Variants in FAM184A observed in about 807,000 individuals in gnomAD.
The protein encoded by FAM184A is family with sequence similarity 184 member A, also known as protein FAM184A.
A neutral mutation model predicts 143.8 loss-of-function variants in FAM184A; 99 were observed. That is an observed-to-expected ratio of 0.69 (90% CI 0.58 to 0.81). The LOEUF (loss-of-function observed/expected upper bound fraction) is 0.81, where lower values mean the gene tolerates loss of function less well. FAM184A is among the 40% of genes least tolerant of loss of function. The probability of loss-of-function intolerance (pLI) is 0.00; values close to 1 mark genes in which losing one functional copy is unlikely to be tolerated. For missense variants in FAM184A, 1,217 were observed against 1,310.5 expected (o/e 0.93, Z 1.10); for synonymous variants, 427 against 446.4 (o/e 0.96, Z 0.55).
At chr6:118,969,359 T>C (rs571489916) in intron 14 of FAM184A, among the ~76,000 whole-genome samples, 1 of 152,162 alleles carries the variant, frequency 6.6e-6, no homozygotes, top group Non-Finnish European at 1.5e-5. Context: ...ACCTGGATAT[T>C]AAATAGGAAA....
chr6:118,991,007 C>A lies in FAM184A; in HGVS notation c.2089-10657G>T, dbSNP rs1784360835. ...CAACTTATTCAACTATGTATCTCAC[C>A]CTGTATAAATTTTATACATTTATTT... is the stretch of plus-strand genomic sequence containing the variant. On this transcript the variant is annotated intron_variant, in intron 9 of 17. Transcript: ENST00000338891. Among the ~76,000 whole-genome samples the A allele has an allele frequency of 2.0e-5, 3 of 150,034 alleles. No individual in the cohort carries two copies. In the South Asian group the frequency reaches 6.3e-4, roughly 32 times the overall value.
chr6:119,108,681 G>A (rs56084675), intron 1 of FAM184A, among the ~76,000 whole-genome samples: 13,980 of 152,188 alleles, frequency 0.092, 856 homozygotes, highest in East Asian at 0.23. Context: ...CTCTTTGGAA[G>A]GAGTCACCCA....
At chr6:119,031,967 T>C (rs560954194) in intron 1 of FAM184A, among the ~76,000 whole-genome samples, 16 of 152,234 alleles carry the variant, frequency 1.1e-4, no homozygotes, top group Non-Finnish European at 1.3e-4. Context: ...TATATAGATA[T>C]AGATATGTAA....
chr6:119,066,168 T>C (rs1787446894), intron 1 of FAM184A, among the ~76,000 whole-genome samples: 1 of 152,188 alleles, frequency 6.6e-6, no homozygotes. Flanking sequence ...TAGAGAGCCA[T>C]GTTGTGGTAA....
Position 119,032,976 on chromosome 6 carries a change from C to T in FAM184A, c.160-8163G>A, listed in dbSNP as rs571056605. 8.5e-5 allele frequency among the ~76,000 whole-genome samples: 13 copies of T among 152,258 alleles called. No individual in the cohort carries two copies. In the South Asian group the frequency reaches 1.0e-3, roughly 12 times the overall value. On this transcript the variant is annotated intron_variant, in intron 1 of 17. Transcript: ENST00000338891. The stretch of plus-strand genomic sequence containing the variant: ...TTCCTTCTGCCAGAGGCTATTCTAT[C>T]GGTTCCAGAGCAGGAACATACACTA...
intron 1 of FAM184A, among the ~76,000 whole-genome samples, chr6:119,118,730 C>A (rs1040392196): frequency 5.9e-5 from 9 of 152,184 alleles, no homozygotes; most frequent in Middle Eastern, 6.8e-3. Flanking sequence ...TATGTCATCT[C>A]AGGACCCTGT....
intron 9 of FAM184A, among the ~76,000 whole-genome samples, chr6:118,981,211 A>G (rs1784011119): frequency 6.6e-6 from 1 of 152,220 alleles, no homozygotes; most frequent in South Asian, 2.1e-4. Flanking sequence ...AGGTATATGT[A>G]TGTATTATAT....
intron 1 of FAM184A, among the ~76,000 whole-genome samples, chr6:119,143,299 T>G (rs998207126): frequency 2.0e-5 from 3 of 152,188 alleles, no homozygotes; most frequent in Non-Finnish European, 4.4e-5. Flanking sequence ...AATCCAGGGT[T>G]GTGACTTCAA....
chr6:119,021,291 C>T (rs958034465), intron 3 of FAM184A, among the ~76,000 whole-genome samples: 1 of 152,174 alleles, frequency 6.6e-6, no homozygotes, highest in African/African-American at 2.4e-5. Flanking sequence ...GCTCAAACAG[C>T]CTTCCTGGGC....
intron 1 of FAM184A, among the ~76,000 whole-genome samples, chr6:119,110,238 T>G (rs1329153484): frequency 2.6e-5 from 4 of 152,180 alleles, no homozygotes; most frequent in Non-Finnish European, 4.4e-5. Context: ...GTGCGTTTAT[T>G]TTCCTGGTGG....
chr6:119,063,145 TATTC>T (rs1037525332), intron 1 of FAM184A, among the ~76,000 whole-genome samples: 3 of 152,254 alleles, frequency 2.0e-5, no homozygotes, highest in Admixed American at 6.5e-5. Flanking sequence ...TTATTCATGC[TATTC>T]ATTATTTTTC....
At chr6:119,035,773 A>C (rs955085371) in intron 1 of FAM184A, among the ~76,000 whole-genome samples, 4 of 152,054 alleles carry the variant, frequency 2.6e-5, no homozygotes, top group Admixed American at 2.6e-4. Flanking sequence ...TTTTGAATCC[A>C]CCTATGACCA....
rs908685697 is a variant in FAM184A, at chr6:118,992,239, G to A, written c.2088+10660C>T. Among the ~76,000 whole-genome samples the A allele has an allele frequency of 3.9e-5, 6 of 152,254 alleles. No individual in the cohort carries two copies. The East Asian group carries it at 7.8e-4, about 20-fold the overall frequency. ...ATGAAAGCAAATAGAGCTAGAATAT[G>A]TTTTGGAGGTGGAATAAATAGGATT... On this transcript the variant is annotated intron_variant, in intron 9 of 17. Coordinates refer to ENST00000338891, the MANE Select transcript of FAM184A (RefSeq NM_024581.6).
chr6:119,072,155 C>A (rs1446997521), intron 1 of FAM184A, among the ~76,000 whole-genome samples: 3 of 152,164 alleles, frequency 2.0e-5, no homozygotes, highest in Non-Finnish European at 2.9e-5. Flanking sequence ...AGCCAGGGCA[C>A]CCAACCTAAA....
chr6:119,020,152 A>G lies in FAM184A; in HGVS notation c.1158T>C (p.Ile386=), dbSNP rs199843988. 1.9e-6 allele frequency: 3 copies of G among 1,558,452 alleles called. No individual in the cohort carries two copies. The highest frequency in any genetic ancestry group is 1.7e-6 in the Non-Finnish European group (2 of 1,158,524). The change falls in exon 4 of 18, where the codon ATT becomes ATC. Residue 386 remains isoleucine (I), a synonymous_variant. Coordinates refer to ENST00000338891, the MANE Select transcript of FAM184A (RefSeq NM_024581.6). ...ASDLVLKASH[I]GMLQATQMTQ... is the part of the protein sequence containing the mutation. Reference sequence around the variant, plus strand: ...TCATTTGAGTTGCTTGAAGCATTCCAATATGACCTATCCCCCAAAAAGAAA... The same window carrying G: ...TCATTTGAGTTGCTTGAAGCATTCCGATATGACCTATCCCCCAAAAAGAAA...
At chr6:118,975,607 G>A (rs73523320) in intron 12 of FAM184A, among the ~76,000 whole-genome samples, 3,626 of 152,280 alleles carry the variant, frequency 0.024, 172 homozygotes, top group African/African-American at 0.083. Context: ...AAGAGAAAGT[G>A]CATCTAAGGA....
intron 1 of FAM184A, among the ~76,000 whole-genome samples, chr6:119,065,710 A>T (rs1787426415): frequency 6.6e-6 from 1 of 152,140 alleles, no homozygotes; most frequent in East Asian, 1.9e-4. Flanking sequence ...AATGTTTCTC[A>T]AATCTCCTCC....
chr6:118,967,163 C>G (rs914118530), intron 14 of FAM184A, among the ~76,000 whole-genome samples: 1 of 152,162 alleles, frequency 6.6e-6, no homozygotes, highest in Admixed American at 6.5e-5. Context: ...CTATGAAAGG[C>G]TTTGCAGGTT....
chr6:118,977,866 A>G (rs572192675), intron 11 of FAM184A, among the ~76,000 whole-genome samples: 8 of 152,338 alleles, frequency 5.3e-5, no homozygotes, highest in South Asian at 2.1e-4. Flanking sequence ...TCTCTGTAGT[A>G]TTTCTTAAAA....
Sources: allele counts gnomAD v4.1 joint callset (sites outside exome capture counted in the v4.1 genomes callset), GRCh38; gene constraint gnomAD v4.1.1; transcripts MANE v1.5; gene names NCBI Gene and HGNC (gene_info 2026-07-23, HGNC 2026-07-21).